Variants in RUNX1 observed in about 807,000 individuals in gnomAD.
RUNX1 encodes the protein runt-related transcription factor 1.
A neutral mutation model predicts 42.8 loss-of-function variants in RUNX1; 19 were observed. The observed-to-expected ratio is 0.44, with a 90% CI of 0.31 to 0.65. The LOEUF (loss-of-function observed/expected upper bound fraction) is 0.65. RUNX1 is among the 30% of genes least tolerant of loss of function. RUNX1 has a pLI of 0.07. For missense variants in RUNX1, 528 were observed against 672.0 expected, an observed-to-expected ratio of 0.79 and a Z score of 2.37; for synonymous variants, 271 against 289.4, an observed-to-expected ratio of 0.94 and a Z score of 0.64.
In RUNX1 at chr21:34,923,685, C is replaced by T. The variant is rs536615994; in HGVS notation, c.59-30722G>A. ...TTTCCCATTTCAGTGAACAGCAATT[C>T]TGTCAACCATCATTCAAATGCAAAA... is the stretch of plus-strand genomic sequence containing the variant. On this transcript the variant is annotated intron_variant, in intron 2 of 8. Transcript: ENST00000675419. 3.4e-5 allele frequency among the ~76,000 whole-genome samples: 5 copies of T among 147,186 alleles called. No individual in the cohort carries two copies. The East Asian group carries it at 9.7e-4, about 29-fold the overall frequency.
chr21:34,818,997 C>A (rs1036108691), intron 7 of RUNX1, among the ~76,000 whole-genome samples: 1 of 152,112 alleles, frequency 6.6e-6, no homozygotes, highest in South Asian at 2.1e-4. Flanking sequence ...GAAAGCTGAG[C>A]GCTCTGATAT....
chr21:34,889,781 T>G, intron 3 of RUNX1: 10 of 1,142,728 alleles, frequency 8.8e-6, no homozygotes, highest in Non-Finnish European at 1.1e-5. Context: ...CGGCGTGCGC[T>G]GCCAACTCCG....
At chr21:35,032,776 T>G (rs2059281921) in intron 2 of RUNX1, among the ~76,000 whole-genome samples, 1 of 152,236 alleles carries the variant, frequency 6.6e-6, no homozygotes. Flanking sequence ...ATACAGCTTC[T>G]TACCCTTAGC....
chr21:34,849,280 A>G (rs1340916155), intron 6 of RUNX1, among the ~76,000 whole-genome samples: 2 of 63,874 alleles, frequency 3.1e-5, no homozygotes, highest in African/African-American at 6.0e-5. Flanking sequence ...TATATATATA[A>G]TATATATTAT....
At chr21:35,006,410 C>G (rs532784759) in intron 2 of RUNX1, among the ~76,000 whole-genome samples, 17 of 152,240 alleles carry the variant, frequency 1.1e-4, no homozygotes, top group African/African-American at 3.4e-4. Context: ...CTCTCTCCCC[C>G]TCTCTCTCTT....
intron 5 of RUNX1, among the ~76,000 whole-genome samples, chr21:34,868,897 G>A (rs2057699752): frequency 6.6e-6 from 1 of 152,184 alleles, no homozygotes; most frequent in Admixed American, 6.5e-5. Flanking sequence ...GACCTTGGGG[G>A]GTGGGGCAGA....
intron 2 of RUNX1, among the ~76,000 whole-genome samples, chr21:34,976,553 G>C (rs776985642): frequency 6.6e-6 from 1 of 152,178 alleles, no homozygotes; most frequent in Admixed American, 6.5e-5. Flanking sequence ...GCCCAAGCTT[G>C]CTTTGCCATG....
At chr21:34,903,886 A>G (rs2058196921) in intron 2 of RUNX1, among the ~76,000 whole-genome samples, 1 of 152,190 alleles carries the variant, frequency 6.6e-6, no homozygotes, top group Admixed American at 6.5e-5. Context: ...AAATAGCTGG[A>G]AAAAGCAACA....
At chr21:34,883,931 A>T (rs1012001550) in intron 4 of RUNX1, among the ~76,000 whole-genome samples, 15 of 152,258 alleles carry the variant, frequency 9.9e-5, no homozygotes, top group Non-Finnish European at 2.2e-4. Context: ...GATCTTGCCG[A>T]CAAAAATATT....
rs1435270865 is a variant in RUNX1 at position 34,849,375 on chromosome 21, A to AT, written c.613+10098dup. Among the ~76,000 whole-genome samples the AT allele has an allele frequency of 5.7e-5, 3 of 53,000 alleles. 1 individual carries two copies. The highest frequency in any genetic ancestry group is 1.0e-4 in the Non-Finnish European group (3 of 29,196). 34.8% of individuals were successfully genotyped at this position (53,000 alleles called of 152,430 possible). On this transcript the variant is annotated intron_variant, in intron 6 of 8. Transcript: ENST00000675419. ...GTATATATAATATATTATATATACT[A>AT]TATACATAGTATATATAATATATTA...
intron 2 of RUNX1, among the ~76,000 whole-genome samples, chr21:35,010,623 A>G (rs866552078): frequency 3.4e-5 from 5 of 147,446 alleles, no homozygotes; most frequent in African/African-American, 1.0e-4. Flanking sequence ...GTACACACAC[A>G]CGCACACACA....
rs2059305372 is a variant in RUNX1, at chr21:35,036,074, C to T, written c.58+12768G>A. 1.3e-5 allele frequency among the ~76,000 whole-genome samples: 2 copies of T among 152,220 alleles called. 1 individual carries two copies. The highest frequency in any genetic ancestry group is 6.8e-3 in the Middle Eastern group (2 of 294). ...GGAGGCCATTATCCCTGAGGGAAGACAGAAGAGGGAGCAGGGAGCAGGTGG... is the reference window on the plus strand; with the variant it reads ...GGAGGCCATTATCCCTGAGGGAAGATAGAAGAGGGAGCAGGGAGCAGGTGG... On this transcript the variant is annotated intron_variant, in intron 2 of 8. Transcript: ENST00000675419.
rs149565135 is a variant in RUNX1, at chr21:34,846,240, C to CTCTA, written c.614-11643_614-11640dup. Among the ~76,000 whole-genome samples the CTCTA allele has an allele frequency of 5.9e-3, 743 of 126,662 alleles. 4 individuals are homozygous for CTCTA. Among genetic ancestry groups the CTCTA allele is most frequent in the African/African-American group, 0.021 (714 of 33,696 alleles). 83.1% of individuals were successfully genotyped at this position (126,662 alleles called of 152,430 possible). On this transcript the variant is annotated intron_variant, in intron 6 of 8. Transcript: ENST00000675419. ...TCAAATGTTGCCAAAGTCATGGGAA[C>CTCTA]TCTAGTTAGGAAGATTTCCCCTACT...
intron 8 of RUNX1, among the ~76,000 whole-genome samples, chr21:34,796,192 A>T (rs376125142): frequency 6.6e-6 from 1 of 152,248 alleles, no homozygotes; most frequent in South Asian, 2.1e-4. Context: ...GAGAACATCC[A>T]AAAGAAAGAG....
intron 2 of RUNX1, among the ~76,000 whole-genome samples, chr21:35,016,021 T>C (rs1003379095): frequency 6.6e-6 from 1 of 152,218 alleles, no homozygotes; most frequent in Admixed American, 6.5e-5. Context: ...TTGATACATG[T>C]TATTTTAGGC....
rs780658511 is a variant in RUNX1 at position 34,788,663 on chromosome 21, GAA to G, written c.*3470_*3471del. ...TTTGTTGATGCAACTCTTCTGGAAG[GAA>G]AAAAAGAGCCAAATGATCAGCCTCA... On this transcript the variant is annotated 3_prime_UTR_variant, in exon 9 of 9. Transcript: ENST00000675419. 1.1e-4 allele frequency: 25 copies of G among 233,058 alleles called. No individual in the cohort carries two copies. Among genetic ancestry groups the G allele is most frequent in the Non-Finnish European group, 1.9e-4 (22 of 117,894 alleles). 14.4% of individuals were successfully genotyped at this position (233,058 alleles called of 1,614,324 possible). A position where few individuals can be genotyped will look rare whatever the true frequency, so the allele number is the denominator to read the frequency against.
intron 2 of RUNX1, among the ~76,000 whole-genome samples, chr21:34,975,017 A>G (rs1306300935): frequency 1.3e-5 from 2 of 152,092 alleles, no homozygotes; most frequent in African/African-American, 2.4e-5. Context: ...GCTAAAAGAG[A>G]AGGCAAGCAA....
chr21:34,877,705 G>A (rs1191050773), intron 5 of RUNX1, among the ~76,000 whole-genome samples: 1 of 152,222 alleles, frequency 6.6e-6, no homozygotes, highest in Non-Finnish European at 1.5e-5. Context: ...CCGAGGTTAG[G>A]AGCTGTGATC....
chr21:34,948,065 C>T (rs899978082), intron 2 of RUNX1, among the ~76,000 whole-genome samples: 42 of 151,824 alleles, frequency 2.8e-4, no homozygotes, highest in Non-Finnish European at 4.1e-4. Context: ...CACTCCCACC[C>T]CGACATAAAT....
Sources: allele counts gnomAD v4.1 joint callset (sites outside exome capture counted in the v4.1 genomes callset), GRCh38; gene constraint gnomAD v4.1.1; transcripts MANE v1.5; gene names NCBI Gene and HGNC (gene_info 2026-07-23, HGNC 2026-07-21).